FREM2: variants seen among roughly 807,000 people sequenced by gnomAD.
The protein encoded by FREM2 is FRAS1-related extracellular matrix protein 2.
FREM2 carries 119 observed loss-of-function variants against 219.9 expected under a neutral mutation model. The observed-to-expected ratio is 0.54, with a 90% CI of 0.47 to 0.63. FREM2 has a LOEUF of 0.63. Among genes scored for constraint, FREM2 ranks in the 30% least tolerant of loss-of-function variants. The pLI is 0.00. For synonymous variants in FREM2, 1,562 were observed against 1,522.8 expected (o/e 1.03, Z -0.60); for missense variants, 4,030 against 3,993.6 (o/e 1.01, Z -0.25).
intron 2 of FREM2, among the ~76,000 whole-genome samples, chr13:38,735,313 A>G (rs1335520950): frequency 2.0e-5 from 3 of 152,172 alleles, no homozygotes; most frequent in Admixed American, 6.5e-5. Context: ...TTATAAATGT[A>G]CCCTTTAGGT....
Position 38,771,778 on chromosome 13 carries a change from G to C in FREM2, c.5641+1970G>C, listed in dbSNP as rs534800342. Among the ~76,000 whole-genome samples, 12 of 152,130 alleles carry C rather than the reference G, an allele frequency of 7.9e-5. No homozygotes were observed. In the South Asian group the frequency reaches 2.5e-3, roughly 32 times the overall value. ...CTCTGTGCCTTGTTGAAGACCATTG[G>C]TCTTGAAACCCAACTCTATTTCTAG... On this transcript the variant is annotated intron_variant, in intron 4 of 23. Coordinates refer to ENST00000280481, the MANE Select transcript of FREM2 (RefSeq NM_207361.6).
chr13:38,747,533 T>G (rs922160640), intron 2 of FREM2, among the ~76,000 whole-genome samples: 3 of 152,056 alleles, frequency 2.0e-5, no homozygotes, highest in African/African-American at 7.2e-5. Flanking sequence ...TTTATGTGTT[T>G]TTTTCCTTGT....
At chr13:38,766,159 T>C (rs188714361) in intron 3 of FREM2, among the ~76,000 whole-genome samples, 248 of 152,334 alleles carry the variant, frequency 1.6e-3, no homozygotes, top group Middle Eastern at 3.4e-3. Flanking sequence ...CTGGATAACA[T>C]TGGGAAAGTT....
At chr13:38,818,489 G>A (rs865817546) in intron 6 of FREM2, among the ~76,000 whole-genome samples, 2 of 152,158 alleles carry the variant, frequency 1.3e-5, no homozygotes, top group Middle Eastern at 3.4e-3. Context: ...AGGAAAAAAA[G>A]TTGATATCAT....
intron 4 of FREM2, among the ~76,000 whole-genome samples, chr13:38,770,742 A>C (rs1190779740): frequency 1.4e-5 from 2 of 144,526 alleles, no homozygotes; most frequent in African/African-American, 2.6e-5. Flanking sequence ...TTGTCAATGC[A>C]CACCTTGGCT....
chr13:38,689,752 A>C lies in FREM2; in HGVS notation c.2408A>C (p.Gln803Pro), dbSNP rs745630207. 1 of 1,613,332 alleles carries C rather than the reference A, an allele frequency of 6.2e-7. No homozygotes were observed. The highest frequency in any genetic ancestry group is 1.1e-5 in the South Asian group (1 of 90,940). The change falls in exon 1 of 24, where the codon CAG becomes CCG. Residue 803 changes from glutamine (Q) to proline (P), a missense_variant. By Grantham distance (76) the Gln-to-Pro change is moderately conservative. Coordinates refer to ENST00000280481, the MANE Select transcript of FREM2 (RefSeq NM_207361.6). ...GTGGCTACTCGAGTGGCCCAGTTCC[A>C]GTTCCAGGTGGAAGACCGAGCTGGG... ...LGVATRVAQFQFQVEDRAGNV... is the reference protein window; with the variant it reads ...LGVATRVAQFPFQVEDRAGNV...
chr13:38,822,519 G>A (rs1876106936), intron 6 of FREM2, among the ~76,000 whole-genome samples: 1 of 151,916 alleles, frequency 6.6e-6, no homozygotes. Context: ...TGGTCTAGGT[G>A]TTGCTTTATG....
At chr13:38,875,285 G>T (rs1400002709) in intron 18 of FREM2, among the ~76,000 whole-genome samples, 1 of 151,676 alleles carries the variant, frequency 6.6e-6, no homozygotes, top group Non-Finnish European at 1.5e-5. Context: ...ATATTAGATT[G>T]GGAAAGGGAA....
rs1294096475 is a variant in FREM2, at chr13:38,858,022, A to G, written c.7204A>G (p.Ile2402Val). Residue 2402 changes from isoleucine to valine, a missense_variant, in exon 13 of 24, where the codon ATC (isoleucine) becomes GTC (valine). By Grantham distance (29) the Ile-to-Val change is conservative. Coordinates refer to ENST00000280481, the MANE Select transcript of FREM2 (RefSeq NM_207361.6). ...TGAACCCATGTCTGGCTATCCTGTC[A>G]TCTGTATCACAGTGAGTAGGAGATT... ...SAEPMSGYPV[I>V]CITACNPKYS... The G allele has an allele frequency of 2.5e-6, 4 of 1,613,756 alleles. No individual in the cohort carries two copies. The highest frequency in any genetic ancestry group is 3.4e-6 in the Non-Finnish European group (4 of 1,179,764).
At chr13:38,727,902 A>G (rs1240117344) in intron 2 of FREM2, among the ~76,000 whole-genome samples, 1 of 152,250 alleles carries the variant, frequency 6.6e-6, no homozygotes, top group East Asian at 1.9e-4. Flanking sequence ...TATAATTACA[A>G]GTTAATCCAA....
intron 6 of FREM2, among the ~76,000 whole-genome samples, chr13:38,826,833 G>A (rs559446279): frequency 1.3e-5 from 2 of 152,182 alleles, no homozygotes; most frequent in East Asian, 3.9e-4. Flanking sequence ...GATTTTTGAA[G>A]CAGTGACAAT....
intron 2 of FREM2, among the ~76,000 whole-genome samples, chr13:38,729,809 T>A (rs1386607743): frequency 6.6e-6 from 1 of 152,218 alleles, no homozygotes; most frequent in East Asian, 1.9e-4. Context: ...TAAACTTGTA[T>A]TCCATAGAGT....
At chr13:38,843,962 G>T (rs551077057) in intron 6 of FREM2, among the ~76,000 whole-genome samples, 1 of 151,588 alleles carries the variant, frequency 6.6e-6, no homozygotes, top group Non-Finnish European at 1.5e-5. Flanking sequence ...TTTAACTTCA[G>T]TAATTGTAAT....
At chr13:38,758,844 A>G (rs1291731189) in intron 2 of FREM2, among the ~76,000 whole-genome samples, 1 of 152,224 alleles carries the variant, frequency 6.6e-6, no homozygotes, top group Non-Finnish European at 1.5e-5. Context: ...GCTGTCTAAG[A>G]GAACAAGACT....
chr13:38,699,318 A>G (rs181542324), intron 2 of FREM2, among the ~76,000 whole-genome samples: 8 of 150,660 alleles, frequency 5.3e-5, no homozygotes, highest in African/African-American at 2.0e-4. Context: ...TTGCTCATAC[A>G]CAAACACACA....
At position 38,846,651 on chromosome 13, in the gene FREM2, C is replaced by G; in HGVS notation, c.6098C>G (p.Thr2033Arg). ...AGYVEVQVWR[T>R]GTDLSKSSSV... ...TATGTGGAAGTGCAGGTGTGGAGAA[C>G]GGGCACTGACCTGTCCAAGTCTTCT... The change falls in exon 7 of 24, where the codon ACG becomes AGG. Residue 2033 changes from threonine to arginine, a missense_variant. Physicochemically the swap from Thr to Arg is moderately conservative, Grantham distance 71 (BLOSUM62 -1). Transcript: ENST00000280481. The G allele has an allele frequency of 6.2e-7, 1 of 1,613,738 alleles. No homozygotes were observed. Among genetic ancestry groups the G allele is most frequent in the Non-Finnish European group, 8.5e-7 (1 of 1,179,778 alleles).
rs778557024 is a variant in FREM2 at position 38,859,360 on chromosome 13, T to G, written c.7289T>G (p.Leu2430Trp). 6.2e-7 allele frequency: 1 copy of G among 1,614,208 alleles called. No individual in the cohort carries two copies. The highest frequency in any genetic ancestry group is 2.2e-5 in the East Asian group (1 of 44,882). Reference protein sequence around the residue: ...ICASENINDTLTRYRWLISAP... With the variant: ...ICASENINDTWTRYRWLISAP... Reference sequence around the variant, plus strand: ...GCAAGTGAGAACATCAATGACACTTTGACGCGGTACCGGTGGCTGATTAGT... The same window carrying G: ...GCAAGTGAGAACATCAATGACACTTGGACGCGGTACCGGTGGCTGATTAGT... The change falls in exon 14 of 24, where the codon TTG (leucine) becomes TGG (tryptophan). Residue 2430 changes from leucine to tryptophan, a missense_variant. Coordinates refer to ENST00000280481, the MANE Select transcript of FREM2 (RefSeq NM_207361.6).
intron 6 of FREM2, among the ~76,000 whole-genome samples, chr13:38,791,051 C>T (rs764536890): frequency 1.3e-5 from 2 of 151,996 alleles, no homozygotes; most frequent in Admixed American, 6.6e-5. Flanking sequence ...AAAAATTGGG[C>T]GATGACTGAA....
chr13:38,726,962 A>G (rs1472759905), intron 2 of FREM2, among the ~76,000 whole-genome samples: 1 of 152,218 alleles, frequency 6.6e-6, no homozygotes, highest in Non-Finnish European at 1.5e-5. Flanking sequence ...ACTTTAATTA[A>G]ATTGGTTGAA....
Sources: gnomAD v4.1 joint callset for allele counts (sites outside exome capture counted in the v4.1 genomes callset) on GRCh38, gnomAD v4.1.1 for gene constraint, MANE v1.5 for transcripts, NCBI Gene and HGNC (gene_info 2026-07-23, HGNC 2026-07-21) for gene names.